The following AP1S2 variants were observed in gnomAD, a reference collection of about 807,000 sequenced individuals.
AP1S2 encodes the protein adaptor related protein complex 1 subunit sigma 2.
A neutral mutation model predicts 14.3 loss-of-function variants in AP1S2; 1 was observed. That is an observed-to-expected ratio of 0.07 (90% confidence interval 0.02 to 0.33). AP1S2 has a LOEUF of 0.33. Among genes scored for constraint, AP1S2 ranks in the 10% least tolerant of loss-of-function variants. The pLI is 0.99. For missense variants in AP1S2, 30 were observed against 117.7 expected, an observed-to-expected ratio of 0.25 and a Z score of 3.45; for synonymous variants, 30 against 40.5, an observed-to-expected ratio of 0.74 and a Z score of 0.99.
At chrX:15,832,973 A>G (rs766000710) in intron 4 of AP1S2, 30 of 1,126,467 alleles carry the variant, frequency 2.7e-5, no homozygotes, top group African/African-American at 3.7e-5. Context: ...CTTAAACCCA[A>G]TGAAACTCTT....
chrX:15,828,334 T>A, intron 4 of AP1S2, 134 bp from the exon 5 acceptor site: 1 of 417,222 alleles, frequency 2.4e-6, no homozygotes, highest in Non-Finnish European at 3.7e-6. Flanking sequence ...GTCTGTTTCC[T>A]TATTTGGAAA....
At chrX:15,827,543 T>C (rs772031451) in intron 5 of AP1S2, among the ~76,000 whole-genome samples, 171 bp from the exon 6 acceptor site, 20 of 111,932 alleles carry the variant, frequency 1.8e-4, no homozygotes, top group South Asian at 1.5e-3. Context: ...GCCCTCAAAA[T>C]TGGAGACCAC....
intron 4 of AP1S2, chrX:15,840,571 TC>T: frequency 3.1e-6 from 3 of 976,631 alleles, no homozygotes; most frequent in Non-Finnish European, 4.0e-6. Flanking sequence ...CAGACAAACC[TC>T]CCCATTCTTC....
intron 4 of AP1S2, chrX:15,840,427 T>C: frequency 1.2e-5 from 6 of 521,492 alleles, no homozygotes; most frequent in Non-Finnish European, 1.4e-5. Flanking sequence ...AGAAATCATC[T>C]CACGTGCAAC....
rs1230161222 is a variant in AP1S2 at position 15,831,476 on chromosome X, A to G, written c.427-3276T>C. ...CCATGCTGAGGATATTTTCTTTCATATGTATATCAGCATTCTATTTCCTCT... is the reference window on the plus strand; with the variant it reads ...CCATGCTGAGGATATTTTCTTTCATGTGTATATCAGCATTCTATTTCCTCT... On this transcript the variant is annotated intron_variant, in intron 4 of 5. Coordinates refer to ENST00000672987, the MANE Select transcript of AP1S2 (RefSeq NM_001272071.2). 51 of 708,415 alleles carry G rather than the reference A, an allele frequency of 7.2e-5. 2 individuals are homozygous for G. The highest frequency in any genetic ancestry group is 6.5e-5 in the Non-Finnish European group (38 of 588,620). The allele number at this position is 708,415 out of a possible 1,213,427, so 58.4% of individuals were successfully genotyped here.
chrX:15,841,812 G>C (rs1490728583), intron 4 of AP1S2, among the ~76,000 whole-genome samples: 2 of 111,953 alleles, frequency 1.8e-5, no homozygotes, highest in African/African-American at 3.2e-5. Flanking sequence ...AAACAAAGAA[G>C]TTCATATCTA....
intron 4 of AP1S2, chrX:15,831,289 A>T: frequency 1.3e-6 from 1 of 751,681 alleles, no homozygotes; most frequent in Non-Finnish European, 1.6e-6. Flanking sequence ...ATATTTTGTC[A>T]AGATGAGATT....
At chrX:15,851,211 G>C (rs1354721396) in intron 2 of AP1S2, among the ~76,000 whole-genome samples, 1 of 112,106 alleles carries the variant, frequency 8.9e-6, no homozygotes, top group Non-Finnish European at 1.9e-5. Context: ...TCTTTAATAA[G>C]ACCAAACGAA....
At chrX:15,837,374 T>G (rs2147307183) in intron 4 of AP1S2, among the ~76,000 whole-genome samples, 1 of 111,533 alleles carries the variant, frequency 9.0e-6, no homozygotes, top group African/African-American at 3.3e-5. Context: ...CTGGGGAGAT[T>G]GGCAGAAAAT....
intron 4 of AP1S2, among the ~76,000 whole-genome samples, chrX:15,843,794 A>T (rs1252501620): frequency 2.7e-5 from 3 of 111,945 alleles, no homozygotes; most frequent in Non-Finnish European, 5.6e-5. Flanking sequence ...CCTAATTTTT[A>T]AAAAAGTCTG....
At chrX:15,834,003 CAGTG>C (rs759601651) in intron 4 of AP1S2, among the ~76,000 whole-genome samples, 2 of 111,605 alleles carry the variant, frequency 1.8e-5, no homozygotes, top group African/African-American at 6.5e-5. Flanking sequence ...AGAATGAAAA[CAGTG>C]AGAAAAAATT....
intron 4 of AP1S2, chrX:15,832,694 A>G (rs1933472734): frequency 8.2e-6 from 7 of 852,796 alleles, no homozygotes; most frequent in Middle Eastern, 5.6e-4. Flanking sequence ...TTTATTGTCA[A>G]TGAACCTCTG....
chrX:15,845,822 CA>C, intron 3 of AP1S2, 80 bp downstream of exon 3: 1 of 893,614 alleles, frequency 1.1e-6, no homozygotes, highest in Non-Finnish European at 1.6e-6. Flanking sequence ...ATCCCCAAGA[CA>C]ACCAAAAAAT....
intron 4 of AP1S2, chrX:15,833,580 C>T: frequency 2.9e-6 from 2 of 680,925 alleles, no homozygotes; most frequent in South Asian, 1.2e-4. Context: ...GCTTTAATAA[C>T]GTTTTAAATA....
chrX:15,854,625 C>A (rs1934284530), intron 1 of AP1S2, 63 bp downstream of exon 1: 1 of 502,217 alleles, frequency 2.0e-6, no homozygotes, highest in Non-Finnish European at 2.4e-6. Flanking sequence ...GCGGGGGGCG[C>A]GCCCAGTCCT....
intron 4 of AP1S2, 94 bp downstream of exon 4, chrX:15,845,285 C>T (rs1933967401): frequency 2.5e-6 from 3 of 1,183,317 alleles, no homozygotes; most frequent in South Asian, 3.7e-5. Context: ...AAGCATGCTT[C>T]AGAGTACTTT....
At chrX:15,828,291 G>T in intron 4 of AP1S2, 91 bp from the exon 5 acceptor site, 1 of 694,111 alleles carries the variant, frequency 1.4e-6, no homozygotes, top group Non-Finnish European at 2.0e-6. Flanking sequence ...GCACTTCATG[G>T]TGTAATCTTA....
At chrX:15,852,729 G>A (rs1418591867) in intron 1 of AP1S2, 1 of 367,121 alleles carries the variant, frequency 2.7e-6, no homozygotes. Flanking sequence ...ATCCCACCTT[G>A]TTCCACATTA....
At chrX:15,852,755 G>A in intron 1 of AP1S2, 2 of 458,235 alleles carry the variant, frequency 4.4e-6, no homozygotes, top group Non-Finnish European at 5.4e-6. Context: ...GAAGGGGAGT[G>A]TGCAGGAGAA....
Sources: allele counts gnomAD v4.1 joint callset (sites outside exome capture counted in the v4.1 genomes callset), GRCh38; gene constraint gnomAD v4.1.1; transcripts MANE v1.5; gene names NCBI Gene and HGNC (gene_info 2026-07-23, HGNC 2026-07-21).